The following TRIM44 variants were observed in gnomAD, a reference collection of about 807,000 sequenced individuals.
The protein encoded by TRIM44 is tripartite motif-containing protein 44.
A neutral mutation model predicts 37.4 loss-of-function variants in TRIM44; 13 were observed. The observed-to-expected ratio is 0.35, with a 90% CI of 0.23 to 0.55. The LOEUF is 0.55. Among genes scored for constraint, TRIM44 ranks in the 20% least tolerant of loss-of-function variants. TRIM44 has a pLI of 0.89. For synonymous variants in TRIM44, 175 were observed against 157.2 expected (o/e 1.11, Z -0.85); for missense variants, 426 against 437.2 (o/e 0.97, Z 0.23).
intron 4 of TRIM44, among the ~76,000 whole-genome samples, chr11:35,767,050 G>A (rs1487357400): frequency 3.9e-5 from 6 of 152,132 alleles, no homozygotes; most frequent in Non-Finnish European, 5.9e-5. Context: ...TAAACAACAC[G>A]TTTCTGGTGC....
At chr11:35,666,306 T>C in intron 1 of TRIM44, among the ~76,000 whole-genome samples, 1 of 152,230 alleles carries the variant, frequency 6.6e-6, no homozygotes, top group East Asian at 1.9e-4. Context: ...CCCTTTATAA[T>C]ATGTCTTAAT....
intron 4 of TRIM44, among the ~76,000 whole-genome samples, chr11:35,793,350 A>C (rs792649): frequency 0.97 from 147,921 of 151,984 alleles, 72,068 homozygotes; most frequent in East Asian, 1. Context: ...CATGGTGAAA[A>C]CCCGTCGCTA....
chr11:35,663,922 C>A, intron 1 of TRIM44, 142 bp downstream of exon 1: 1 of 981,998 alleles, frequency 1.0e-6, no homozygotes, highest in Non-Finnish European at 1.5e-6. Flanking sequence ...AGTTCTTATT[C>A]ACCGTTTTTG....
At chr11:35,694,170 A>T (rs1851669251) in intron 2 of TRIM44, among the ~76,000 whole-genome samples, 1 of 152,180 alleles carries the variant, frequency 6.6e-6, no homozygotes, top group African/African-American at 2.4e-5. Flanking sequence ...AACTTTCACA[A>T]GAGAATTTAA....
intron 2 of TRIM44, among the ~76,000 whole-genome samples, chr11:35,708,526 T>C (rs868005010): frequency 1.4e-4 from 21 of 151,636 alleles, no homozygotes; most frequent in Admixed American, 1.3e-3. Flanking sequence ...TGTCCAACAA[T>C]GATAGACTGG....
chr11:35,768,007 C>T (rs1236993834), intron 4 of TRIM44, among the ~76,000 whole-genome samples: 2 of 152,174 alleles, frequency 1.3e-5, no homozygotes, highest in Non-Finnish European at 2.9e-5. Flanking sequence ...GCTCACAGCC[C>T]TCTGTTGCAG....
At chr11:35,726,236 A>G in intron 3 of TRIM44, 73 bp downstream of exon 3, 1 of 1,569,566 alleles carries the variant, frequency 6.4e-7, no homozygotes, top group Non-Finnish European at 8.6e-7. Flanking sequence ...GTTAGACCCC[A>G]TGTGGTCCCT....
At chr11:35,775,801 C>CA (rs1329112363) in intron 4 of TRIM44, among the ~76,000 whole-genome samples, 1 of 152,146 alleles carries the variant, frequency 6.6e-6, no homozygotes, top group African/African-American at 2.4e-5. Flanking sequence ...GAACCAGCCT[C>CA]ACATCCCAGG....
chr11:35,707,205 AGGGAC>A (rs2135505200), intron 2 of TRIM44, among the ~76,000 whole-genome samples: 1 of 152,332 alleles, frequency 6.6e-6, no homozygotes, highest in African/African-American at 2.4e-5. Context: ...CCAACTTACA[AGGGAC>A]GTGAAGGACC....
chr11:35,811,187 CTT>C lies in TRIM44; in HGVS notation c.*4805_*4806del, dbSNP rs1306589486. 1 of 152,126 alleles carries C rather than the reference CTT, an allele frequency of 6.6e-6. No homozygotes were observed. The highest frequency in any genetic ancestry group is 1.5e-5 in the Non-Finnish European group (1 of 68,016). 9.4% of individuals were successfully genotyped at this position (152,126 alleles called of 1,614,324 possible). A position where few individuals can be genotyped will look rare whatever the true frequency, so the allele number is the denominator to read the frequency against. ...ATGTGGGAGTCTAATTTACTCCTGA[CTT>C]TTCCACAGTGCCTTAGGAGAGAGCT... On this transcript the variant is annotated 3_prime_UTR_variant, in exon 5 of 5. Coordinates refer to ENST00000299413, the MANE Select transcript of TRIM44 (RefSeq NM_017583.6).
intron 2 of TRIM44, among the ~76,000 whole-genome samples, chr11:35,691,541 T>C (rs1403150235): frequency 6.6e-6 from 1 of 152,234 alleles, no homozygotes; most frequent in Non-Finnish European, 1.5e-5. Context: ...CTTAAACGTG[T>C]GCAGGACACT....
intron 4 of TRIM44, among the ~76,000 whole-genome samples, chr11:35,758,698 G>A (rs1852681993): frequency 6.6e-6 from 1 of 152,084 alleles, no homozygotes. Flanking sequence ...AGGCTTGTTG[G>A]TGACAAAATC....
chr11:35,735,569 C>A, intron 4 of TRIM44, 124 bp downstream of exon 4: 1 of 962,310 alleles, frequency 1.0e-6, no homozygotes, highest in Non-Finnish European at 1.6e-6. Context: ...CTATCTTAAG[C>A]CTGGGATTTG....
chr11:35,665,697 C>T (rs1009942012), intron 1 of TRIM44, among the ~76,000 whole-genome samples: 20 of 143,354 alleles, frequency 1.4e-4, no homozygotes, highest in African/African-American at 2.8e-4. Flanking sequence ...CAGGTTCAAA[C>T]GATTCTCCTG....
chr11:35,797,632 A>ATAACC (rs1169820013), intron 4 of TRIM44, among the ~76,000 whole-genome samples: 2 of 152,230 alleles, frequency 1.3e-5, no homozygotes, highest in Non-Finnish European at 2.9e-5. Flanking sequence ...CCAAAAGCCC[A>ATAACC]TAACCATGGG....
chr11:35,790,872 G>A (rs1853200463), intron 4 of TRIM44, among the ~76,000 whole-genome samples: 1 of 152,180 alleles, frequency 6.6e-6, no homozygotes, highest in South Asian at 2.1e-4. Context: ...GGCAGGGGTA[G>A]AACTGGGTAG....
At chr11:35,695,290 C>T (rs933610307) in intron 2 of TRIM44, among the ~76,000 whole-genome samples, 1 of 152,078 alleles carries the variant, frequency 6.6e-6, no homozygotes, top group South Asian at 2.1e-4. Context: ...CTCTTGAATA[C>T]CAGTAGTTTC....
At chr11:35,768,211 T>G (rs1425525068) in intron 4 of TRIM44, among the ~76,000 whole-genome samples, 1 of 152,212 alleles carries the variant, frequency 6.6e-6, no homozygotes, top group Non-Finnish European at 1.5e-5. Context: ...GAATTGAATT[T>G]AAGAAAGTTT....
chr11:35,731,953 C>T (rs112128451), intron 3 of TRIM44, among the ~76,000 whole-genome samples: 2,236 of 151,974 alleles, frequency 0.015, 29 homozygotes, highest in South Asian at 0.054. Flanking sequence ...ACCCATTTTG[C>T]GCCATTTATA....
Sources: gnomAD v4.1 joint callset for allele counts (sites outside exome capture counted in the v4.1 genomes callset) on GRCh38, gnomAD v4.1.1 for gene constraint, MANE v1.5 for transcripts, NCBI Gene and HGNC (gene_info 2026-07-23, HGNC 2026-07-21) for gene names.